The following DOCK4 variants were observed in gnomAD, a reference collection of about 807,000 sequenced individuals.
The protein encoded by DOCK4 is dedicator of cytokinesis 4, also known as dedicator of cytokinesis protein 4.
A neutral mutation model predicts 268.1 loss-of-function variants in DOCK4; 97 were observed. That is an observed-to-expected ratio of 0.36 (90% CI 0.31 to 0.43). DOCK4 has a LOEUF of 0.43. Ranked by LOEUF, DOCK4 falls within the 20% of genes least tolerant of loss-of-function variation. The pLI is 1.00. For missense variants in DOCK4, 2,145 were observed against 2,455.7 expected (o/e 0.87, Z 2.67); for synonymous variants, 954 against 887.2 (o/e 1.08, Z -1.34).
intron 3 of DOCK4, among the ~76,000 whole-genome samples, chr7:111,999,391 T>C (rs1275332770): frequency 6.6e-6 from 1 of 152,096 alleles, no homozygotes; most frequent in Non-Finnish European, 1.5e-5. Flanking sequence ...TTCTTCAATA[T>C]GGTAGGATCA....
intron 43 of DOCK4, 24 bp downstream of exon 43, chr7:111,747,243 G>A (rs372058760): frequency 6.3e-7 from 1 of 1,591,460 alleles, no homozygotes; most frequent in East Asian, 2.2e-5. Context: ...AACTTTCTCT[G>A]AAACAACAAT....
chr7:112,021,693 T>A (rs1027404854), intron 1 of DOCK4, among the ~76,000 whole-genome samples: 3 of 152,246 alleles, frequency 2.0e-5, no homozygotes, highest in African/African-American at 7.2e-5. Context: ...TTCAAGTTTA[T>A]GTATTTTAAT....
At chr7:112,128,444 A>G (rs371591223) in intron 1 of DOCK4, among the ~76,000 whole-genome samples, 78 of 152,320 alleles carry the variant, frequency 5.1e-4, no homozygotes, top group South Asian at 2.7e-3. Flanking sequence ...AGAACGGGCC[A>G]GGATGACAAT....
At chr7:111,938,096 G>A (rs1794887578) in intron 11 of DOCK4, among the ~76,000 whole-genome samples, 2 of 152,316 alleles carry the variant, frequency 1.3e-5, no homozygotes, top group African/African-American at 4.8e-5. Flanking sequence ...GGGTTGCTAT[G>A]TGATAAAAAG....
intron 47 of DOCK4, among the ~76,000 whole-genome samples, chr7:111,740,680 C>A (rs1795846731): frequency 7.8e-6 from 1 of 127,872 alleles, no homozygotes; most frequent in East Asian, 2.4e-4. Flanking sequence ...TTGCAGTGAG[C>A]CAAGATCGCA....
At chr7:112,045,595 C>T (rs887634011) in intron 1 of DOCK4, among the ~76,000 whole-genome samples, 1 of 152,318 alleles carries the variant, frequency 6.6e-6, no homozygotes, top group East Asian at 1.9e-4. Context: ...ACTAAATGCT[C>T]CTTGGCTGAG....
intron 1 of DOCK4, among the ~76,000 whole-genome samples, chr7:112,086,751 C>A (rs1398800506): frequency 2.6e-5 from 4 of 152,102 alleles, no homozygotes; most frequent in Non-Finnish European, 1.5e-5. Flanking sequence ...TACGCTGAGC[C>A]AAGGCCATCC....
intron 16 of DOCK4, among the ~76,000 whole-genome samples, chr7:111,891,202 T>C (rs921625635): frequency 4.6e-5 from 7 of 151,998 alleles, no homozygotes; most frequent in African/African-American, 1.7e-4. Context: ...AAAAAAATTA[T>C]TAATATTATA....
chr7:111,962,997 G>C (rs538273187), intron 8 of DOCK4, among the ~76,000 whole-genome samples: 1 of 152,148 alleles, frequency 6.6e-6, no homozygotes, highest in Non-Finnish European at 1.5e-5. Flanking sequence ...AGTACCAACT[G>C]GTGGTACTCA....
chr7:112,192,971 T>C (rs1270946131), intron 1 of DOCK4, among the ~76,000 whole-genome samples: 1 of 152,118 alleles, frequency 6.6e-6, no homozygotes, highest in Non-Finnish European at 1.5e-5. Context: ...CCTCCAAATA[T>C]TGCTTCATTC....
chr7:112,194,780 T>C (rs1820269631), intron 1 of DOCK4, among the ~76,000 whole-genome samples: 1 of 152,254 alleles, frequency 6.6e-6, no homozygotes, highest in African/African-American at 2.4e-5. Context: ...TTACAGGTAA[T>C]GTGTATGCCA....
intron 13 of DOCK4, among the ~76,000 whole-genome samples, chr7:111,904,591 A>G (rs190733899): frequency 1.3e-5 from 2 of 152,238 alleles, no homozygotes; most frequent in Admixed American, 1.3e-4. Context: ...TTTAGCTCAT[A>G]ACACAGCTGA....
At chr7:112,136,803 AAG>A (rs571039999) in intron 1 of DOCK4, among the ~76,000 whole-genome samples, 4 of 151,892 alleles carry the variant, frequency 2.6e-5, no homozygotes, top group African/African-American at 9.7e-5. Context: ...GAAAAATGAA[AAG>A]AGAGAGAGAG....
intron 10 of DOCK4, among the ~76,000 whole-genome samples, chr7:111,942,012 T>C (rs748273400): frequency 1.3e-5 from 2 of 152,228 alleles, no homozygotes; most frequent in Non-Finnish European, 2.9e-5. Flanking sequence ...ACTGGAAAGA[T>C]GTTTTGGTGC....
At chr7:111,827,448 G>A (rs1156491641) in intron 26 of DOCK4, among the ~76,000 whole-genome samples, 2 of 152,060 alleles carry the variant, frequency 1.3e-5, no homozygotes, top group South Asian at 2.1e-4. Flanking sequence ...ACTCTCAATG[G>A]CCCATAGTCA....
At chr7:112,126,539 A>C (rs1813231885) in intron 1 of DOCK4, among the ~76,000 whole-genome samples, 1 of 152,228 alleles carries the variant, frequency 6.6e-6, no homozygotes, top group Non-Finnish European at 1.5e-5. Flanking sequence ...AATGGCAACA[A>C]AAGACAAAAT....
rs114657707 is a variant in DOCK4 at position 111,865,114 on chromosome 7, A to G, written c.2281-1550T>C. ...TAGCCAGGACACACAGGGAAAGATA[A>G]CTATTGGGAATTGTCTAGCAGGGTT... is the stretch of plus-strand genomic sequence containing the variant. On this transcript the variant is annotated intron_variant, in intron 22 of 52. Coordinates refer to ENST00000428084, the MANE Select transcript of DOCK4 (RefSeq NM_001363540.2). Among the ~76,000 whole-genome samples, 589 of 152,344 alleles carry G rather than the reference A, an allele frequency of 3.9e-3. 5 individuals carry two copies. The highest frequency in any genetic ancestry group is 0.014 in the African/African-American group (567 of 41,574).
intron 1 of DOCK4, 122 bp from the exon 2 acceptor site, chr7:112,004,253 G>T: frequency 1.4e-6 from 1 of 696,326 alleles, no homozygotes; most frequent in Non-Finnish European, 2.3e-6. Context: ...GGAACCCTCT[G>T]TCATATTTTA....
At chr7:112,127,310 A>C (rs1454986536) in intron 1 of DOCK4, among the ~76,000 whole-genome samples, 2 of 150,744 alleles carry the variant, frequency 1.3e-5, no homozygotes, top group Non-Finnish European at 3.0e-5. Flanking sequence ...TATCGCAAGG[A>C]CAAAAAACCA....
Sources: gnomAD v4.1 joint callset for allele counts (sites outside exome capture counted in the v4.1 genomes callset) on GRCh38, gnomAD v4.1.1 for gene constraint, MANE v1.5 for transcripts, NCBI Gene and HGNC (gene_info 2026-07-23, HGNC 2026-07-21) for gene names.